KCNN2: variants seen among roughly 807,000 people sequenced by gnomAD.
KCNN2 encodes the protein potassium calcium-activated channel subfamily N member 2, also known as small conductance calcium-activated potassium channel protein 2.
In KCNN2, 24 loss-of-function variants were observed where a neutral mutation model predicts 55.5. The ratio of observed to expected loss-of-function variants is 0.43; its 90% CI spans 0.31 to 0.61. The LOEUF is 0.61. Ranked by LOEUF, KCNN2 falls within the 20% of genes least tolerant of loss-of-function variation. KCNN2 has a pLI of 0.08. For synonymous variants in KCNN2, 431 were observed against 336.1 expected (o/e 1.28, Z -3.09); for missense variants, 754 against 853.6 (o/e 0.88, Z 1.45).
chr5:114,494,394 C>T (rs1167478309), intron 7 of KCNN2, among the ~76,000 whole-genome samples: 1 of 149,450 alleles, frequency 6.7e-6, no homozygotes, highest in Non-Finnish European at 1.5e-5. Flanking sequence ...AGCAGTAACA[C>T]ATACTAGATG....
At chr5:114,393,591 G>T (rs1173726537) in intron 2 of KCNN2, among the ~76,000 whole-genome samples, 1 of 151,318 alleles carries the variant, frequency 6.6e-6, no homozygotes, top group Admixed American at 6.6e-5. Flanking sequence ...TAAAAAAAAA[G>T]CATTAAATAT....
chr5:114,154,161 G>T (rs1580564717), intron 1 of KCNN2, among the ~76,000 whole-genome samples: 1 of 152,218 alleles, frequency 6.6e-6, no homozygotes, highest in East Asian at 1.9e-4. Flanking sequence ...GATCTTGAAT[G>T]ATACCAAGGT....
At chr5:114,366,302 A>G (rs1757597617) in intron 2 of KCNN2, among the ~76,000 whole-genome samples, 1 of 152,200 alleles carries the variant, frequency 6.6e-6, no homozygotes, top group African/African-American at 2.4e-5. Context: ...ACGTTATAGA[A>G]TGATATATGT....
intron 2 of KCNN2, among the ~76,000 whole-genome samples, chr5:114,254,792 A>T (rs576147236): frequency 6.6e-6 from 1 of 152,160 alleles, no homozygotes; most frequent in African/African-American, 2.4e-5. Context: ...GCTGTAACTT[A>T]AAAACAAGCA....
At chr5:114,493,139 C>G (rs1747942494) in intron 6 of KCNN2, among the ~76,000 whole-genome samples, 1 of 152,088 alleles carries the variant, frequency 6.6e-6, no homozygotes, top group African/African-American at 2.4e-5. Context: ...CCTTATGAGT[C>G]TTTCTGAATT....
chr5:114,175,965 T>G (rs1753124199), intron 1 of KCNN2, among the ~76,000 whole-genome samples: 1 of 152,252 alleles, frequency 6.6e-6, no homozygotes, highest in African/African-American at 2.4e-5. Flanking sequence ...TAGGTTAATA[T>G]AGTATTCACA....
chr5:114,107,280 G>GT (rs113616764), intron 1 of KCNN2, among the ~76,000 whole-genome samples: 19,125 of 151,806 alleles, frequency 0.13, 1,360 homozygotes, highest in Non-Finnish European at 0.15. Context: ...GTACCATAGT[G>GT]TTTTTTTTAC....
chr5:114,434,172 ATAC>A (rs1342306565), intron 3 of KCNN2, among the ~76,000 whole-genome samples: 6 of 128,686 alleles, frequency 4.7e-5, no homozygotes, highest in Non-Finnish European at 5.2e-5. Flanking sequence ...CATATCAGTT[ATAC>A]TACTATTTTT....
intron 1 of KCNN2, among the ~76,000 whole-genome samples, chr5:114,159,531 A>G (rs978297232): frequency 5.9e-5 from 9 of 151,992 alleles, no homozygotes; most frequent in African/African-American, 1.9e-4. Context: ...ATGAGTTAGG[A>G]AGGATTCCCT....
chr5:114,271,923 T>C (rs543165254), intron 2 of KCNN2, among the ~76,000 whole-genome samples: 2 of 152,268 alleles, frequency 1.3e-5, no homozygotes, highest in South Asian at 4.1e-4. Context: ...GGAGGAACTA[T>C]TGTGCTAATG....
intron 3 of KCNN2, among the ~76,000 whole-genome samples, chr5:114,432,764 C>T (rs1020756856): frequency 2.0e-5 from 3 of 152,172 alleles, no homozygotes; most frequent in East Asian, 1.9e-4. Context: ...CTTGGCAGGC[C>T]GCGCACGCCG....
intron 1 of KCNN2, among the ~76,000 whole-genome samples, chr5:114,162,435 G>C (rs10044356): frequency 0.37 from 56,544 of 152,012 alleles, 10,894 homozygotes; most frequent in East Asian, 0.72. Context: ...TCCCAGTTAG[G>C]CTACTCAGGG....
intron 1 of KCNN2, among the ~76,000 whole-genome samples, chr5:114,073,409 A>T (rs1235640718): frequency 6.6e-6 from 1 of 152,154 alleles, no homozygotes; most frequent in Non-Finnish European, 1.5e-5. Context: ...CTTTATCCCA[A>T]TGTTCAATTA....
chr5:114,391,963 G>C (rs1160364598), intron 2 of KCNN2, among the ~76,000 whole-genome samples: 1 of 152,048 alleles, frequency 6.6e-6, no homozygotes, highest in African/African-American at 2.4e-5. Context: ...GGAAAGAAGA[G>C]GTCTATGTCA....
chr5:114,264,547 T>C (rs1207894026), intron 2 of KCNN2, among the ~76,000 whole-genome samples: 1 of 152,166 alleles, frequency 6.6e-6, no homozygotes, highest in East Asian at 1.9e-4. Context: ...AGGAAGCCCC[T>C]CTCATGGTGT....
intron 2 of KCNN2, among the ~76,000 whole-genome samples, chr5:114,384,635 T>A (rs1758222056): frequency 6.6e-6 from 1 of 152,218 alleles, no homozygotes; most frequent in African/African-American, 2.4e-5. Flanking sequence ...CAGGGAAAGA[T>A]CTCTGGTAAT....
chr5:114,363,300 G>C (rs1757502002), intron 1 of KCNN2, 39 bp downstream of exon 1: 1 of 1,530,308 alleles, frequency 6.5e-7, no homozygotes, highest in Non-Finnish European at 8.8e-7. Flanking sequence ...CCGGAGTCGG[G>C]CACTGGGTGG....
intron 1 of KCNN2, among the ~76,000 whole-genome samples, chr5:114,102,889 C>T (rs572061983): frequency 1.9e-4 from 29 of 152,198 alleles, no homozygotes; most frequent in African/African-American, 6.7e-4. Context: ...CAGCTTTGTT[C>T]TTTTTGCTTA....
chr5:114,420,939 C>T (rs1286665897), intron 3 of KCNN2, among the ~76,000 whole-genome samples: 2 of 151,906 alleles, frequency 1.3e-5, no homozygotes, highest in Non-Finnish European at 2.9e-5. Flanking sequence ...ATTCCCCTTC[C>T]ACATTATTTT....
Sources: allele counts gnomAD v4.1 joint callset (sites outside exome capture counted in the v4.1 genomes callset), GRCh38; gene constraint gnomAD v4.1.1; transcripts MANE v1.5; gene names NCBI Gene and HGNC (gene_info 2026-07-23, HGNC 2026-07-21).